KLF7: variants seen among roughly 807,000 people sequenced by gnomAD.
KLF7 encodes the protein KLF transcription factor 7.
A neutral mutation model predicts 27.3 loss-of-function variants in KLF7; 2 were observed. That is an observed-to-expected ratio of 0.07 (90% CI 0.03 to 0.23). The LOEUF (loss-of-function observed/expected upper bound fraction) is 0.23, where lower values mean the gene tolerates loss of function less well. KLF7 is among the 10% of genes least tolerant of loss of function. KLF7 has a pLI of 1.00. For missense variants in KLF7, 221 were observed against 394.1 expected, an observed-to-expected ratio of 0.56 and a Z score of 3.72; for synonymous variants, 165 against 162.4, an observed-to-expected ratio of 1.02 and a Z score of -0.12.
At chr2:207,094,121 T>C (rs971705915) in intron 2 of KLF7, among the ~76,000 whole-genome samples, 1 of 152,244 alleles carries the variant, frequency 6.6e-6, no homozygotes. Context: ...ATATGTCAAA[T>C]GTACTGTGCT....
chr2:207,170,226 A>T (rs992970574), upstream of KLF7, among the ~76,000 whole-genome samples: 4 of 152,210 alleles, frequency 2.6e-5, no homozygotes, highest in Non-Finnish European at 5.9e-5. Flanking sequence ...TGGATGGAAG[A>T]TCAAACCAGC....
At position 207,113,620 on chromosome 2, in the gene KLF7, G is replaced by GA. The variant is rs369054664; in HGVS notation, c.733+10153dup. On this transcript the variant is annotated intron_variant, in intron 2 of 3. Coordinates refer to ENST00000309446, the MANE Select transcript of KLF7 (RefSeq NM_003709.4). ...TGGAATGGGGGGTGGGGGGGGGGGGGAAATGATGCAGTTACCTAGCAACCA... is the reference window on the plus strand; with the variant it reads ...TGGAATGGGGGGTGGGGGGGGGGGGGAAAATGATGCAGTTACCTAGCAACCA... Among the ~76,000 whole-genome samples the GA allele has an allele frequency of 3.8e-3, 414 of 107,758 alleles. 9 individuals are homozygous for GA. The highest frequency in any genetic ancestry group is 8.2e-3 in the African/African-American group (243 of 29,742). 70.7% of individuals were successfully genotyped at this position (107,758 alleles called of 152,430 possible).
chr2:207,169,836 GAACTT>G (rs1458190227), upstream of KLF7, among the ~76,000 whole-genome samples: 1 of 152,020 alleles, frequency 6.6e-6, no homozygotes, highest in Non-Finnish European at 1.5e-5. Flanking sequence ...ATAAGACATA[GAACTT>G]AACTAGTGTG....
At chr2:207,160,492 A>G (rs1254957855) in intron 1 of KLF7, among the ~76,000 whole-genome samples, 1 of 152,226 alleles carries the variant, frequency 6.6e-6, no homozygotes, top group African/African-American at 2.4e-5. Context: ...ACAATACTAT[A>G]AAATGAAAAG....
intron 1 of KLF7, among the ~76,000 whole-genome samples, chr2:207,130,141 TTTCC>T (rs1197762489): frequency 4.8e-4 from 12 of 24,798 alleles, no homozygotes; most frequent in South Asian, 3.3e-3. Context: ...AAAGGGTTTC[TTTCC>T]TTCACCTATT....
intron 1 of KLF7, among the ~76,000 whole-genome samples, chr2:207,144,531 T>C (rs1461095762): frequency 6.6e-6 from 1 of 152,156 alleles, no homozygotes; most frequent in Non-Finnish European, 1.5e-5. Context: ...GGGTCACTGT[T>C]TCCCTCTCAT....
chr2:207,148,820 G>T (rs2078166199), intron 1 of KLF7, among the ~76,000 whole-genome samples: 1 of 151,998 alleles, frequency 6.6e-6, no homozygotes, highest in Non-Finnish European at 1.5e-5. Context: ...GACATTACCA[G>T]GCTGACTCCC....
chr2:207,077,791 C>T lies in KLF7; in HGVS notation c.*3422G>A, dbSNP rs568749869. 7 of 147,192 alleles carry T rather than the reference C, an allele frequency of 4.8e-5. No homozygotes were observed. The East Asian group carries it at 1.4e-3, about 30-fold the overall frequency. 9.1% of individuals were successfully genotyped at this position (147,192 alleles called of 1,614,324 possible). A position where few individuals can be genotyped will look rare whatever the true frequency, so the allele number is the denominator to read the frequency against. On this transcript the variant is annotated 3_prime_UTR_variant, in exon 4 of 4. Coordinates refer to ENST00000309446, the MANE Select transcript of KLF7 (RefSeq NM_003709.4). Reference sequence around the variant, plus strand: ...GAGAAAGAAGTATAATTTGAAATTACAAAAAAAAAAAATTGTCAGTGGCTT... The same window carrying T: ...GAGAAAGAAGTATAATTTGAAATTATAAAAAAAAAAAATTGTCAGTGGCTT...
intron 1 of KLF7, among the ~76,000 whole-genome samples, chr2:207,144,097 G>C (rs2078025696): frequency 6.6e-6 from 1 of 150,492 alleles, no homozygotes; most frequent in South Asian, 2.1e-4. Context: ...AAGCGCAACA[G>C]ATGAACGCAA....
intron 1 of KLF7, among the ~76,000 whole-genome samples, chr2:207,145,674 C>T (rs1225694343): frequency 6.6e-6 from 1 of 152,148 alleles, no homozygotes; most frequent in Non-Finnish European, 1.5e-5. Context: ...AGTATTCTTT[C>T]CTGGCACCCT....
At chr2:207,115,056 G>A (rs553547377) in intron 2 of KLF7, among the ~76,000 whole-genome samples, 22 of 152,120 alleles carry the variant, frequency 1.4e-4, no homozygotes, top group Middle Eastern at 6.8e-3. Flanking sequence ...TACCAGATGA[G>A]TAGTTTAGAA....
the KLF7 span, among the ~76,000 whole-genome samples, chr2:207,173,059 G>C: frequency 6.6e-6 from 1 of 151,822 alleles, no homozygotes; most frequent in Non-Finnish European, 1.5e-5. Context: ...TTGTGTCGTA[G>C]AAAATGTGAG....
At position 207,123,766 on chromosome 2, in the gene KLF7, A is replaced by G. The variant is rs2077402737; in HGVS notation, c.733+8T>C. On this transcript the variant is annotated splice_region_variant and intron_variant, in intron 2 of 3. Coordinates refer to ENST00000309446, the MANE Select transcript of KLF7 (RefSeq NM_003709.4). ...AAGAAACCACGTGCGGCCAACTTGT[A>G]CCACTACCTGTGTGAGTCCTCTGGT... The G allele has an allele frequency of 3.1e-6, 5 of 1,607,554 alleles. No homozygotes were observed. The East Asian group carries it at 8.9e-5, about 29-fold the overall frequency.
At chr2:207,134,154 ATTTTTTTTT>A (rs35538720) in intron 1 of KLF7, 8 of 1,142,536 alleles carry the variant, frequency 7.0e-6, no homozygotes, top group South Asian at 1.9e-5. Context: ...GGCTACTGGG[ATTTTTTTTT>A]TTTTTTTTTT....
Position 207,124,165 on chromosome 2 carries a change from C to T in KLF7, c.342G>A (p.Pro114=), listed in dbSNP as rs375338680. The part of the protein sequence containing the change: ...LLSETCLSLQ[P]ASSSLDSYTA... The stretch of plus-strand genomic sequence containing the variant: ...TGTAGCTGTCTAGAGAAGAGCTGGC[C>T]GGCTGGAGGCTGAGGCAGGTCTCAG... Residue 114 remains proline (P), a synonymous_variant, in exon 2 of 4, where the codon CCG becomes CCA. Transcript: ENST00000309446. 23 of 1,614,092 alleles carry T rather than the reference C, an allele frequency of 1.4e-5. No individual in the cohort carries two copies. The highest frequency in any genetic ancestry group is 1.1e-4 in the East Asian group (5 of 44,872).
chr2:207,080,754 TATGC>T lies in KLF7; in HGVS notation c.*455_*458del, dbSNP rs1466573636. Reference sequence around the variant, plus strand: ...TAAAAAGAAACATTAGTGCTACACATATGCAACTTTAAGATGCTGGATTCTCCTA... The same window carrying T: ...TAAAAAGAAACATTAGTGCTACACATAACTTTAAGATGCTGGATTCTCCTA... On this transcript the variant is annotated 3_prime_UTR_variant, in exon 4 of 4. Coordinates refer to ENST00000309446, the MANE Select transcript of KLF7 (RefSeq NM_003709.4). 1 of 400,558 alleles carries T rather than the reference TATGC, an allele frequency of 2.5e-6. No homozygotes were observed. Among genetic ancestry groups the T allele is most frequent in the Non-Finnish European group, 4.4e-6 (1 of 227,138 alleles). 24.8% of individuals were successfully genotyped at this position (400,558 alleles called of 1,614,324 possible). A position where few individuals can be genotyped will look rare whatever the true frequency, so the allele number is the denominator to read the frequency against.
At chr2:207,112,637 G>C (rs1479457153) in intron 2 of KLF7, among the ~76,000 whole-genome samples, 2 of 152,058 alleles carry the variant, frequency 1.3e-5, no homozygotes, top group African/African-American at 2.4e-5. Context: ...CTCTTCAAGG[G>C]GCCCCAATTT....
intron 3 of KLF7, 75 bp from the exon 4 acceptor site, chr2:207,081,339 G>A: frequency 8.1e-7 from 1 of 1,231,096 alleles, no homozygotes; most frequent in East Asian, 2.3e-5. Context: ...CTTAGGAAAT[G>A]ATTTCCCTTA....
intron 2 of KLF7, among the ~76,000 whole-genome samples, chr2:207,090,884 CA>C (rs1463195820): frequency 2.6e-5 from 4 of 151,844 alleles, no homozygotes; most frequent in Non-Finnish European, 5.9e-5. Flanking sequence ...AAATCTGGCA[CA>C]AACAAAAAAA....
Sources: gnomAD v4.1 joint callset for allele counts (sites outside exome capture counted in the v4.1 genomes callset) on GRCh38, gnomAD v4.1.1 for gene constraint, MANE v1.5 for transcripts, NCBI Gene and HGNC (gene_info 2026-07-23, HGNC 2026-07-21) for gene names.